The following OCA2 variants were observed in gnomAD, a reference collection of about 807,000 sequenced individuals.
OCA2 encodes the protein OCA2 melanosomal transmembrane protein.
A neutral mutation model predicts 100.2 loss-of-function variants in OCA2; 77 were observed. The observed-to-expected ratio is 0.77, with a 90% CI of 0.64 to 0.93. The LOEUF is 0.93. Among genes scored for constraint, OCA2 ranks in the 40% least tolerant of loss-of-function variants. The pLI is 0.00. For missense variants in OCA2, 1,062 were observed against 1,089.1 expected (o/e 0.98, Z 0.35); for synonymous variants, 432 against 439.2 (o/e 0.98, Z 0.21).
chr15:27,750,829 A>C (rs2150962641), downstream of OCA2, among the ~76,000 whole-genome samples: 1 of 152,354 alleles, frequency 6.6e-6, no homozygotes, highest in South Asian at 2.1e-4. Context: ...CAGAGCTCAA[A>C]GCAATGGCTT....
At chr15:27,907,927 G>T (rs2038238676) in intron 19 of OCA2, among the ~76,000 whole-genome samples, 1 of 152,072 alleles carries the variant, frequency 6.6e-6, no homozygotes, top group African/African-American at 2.4e-5. Flanking sequence ...ATTGTATCAA[G>T]CCCTCAAAAA....
chr15:28,024,672 C>T (rs2042695510), intron 5 of OCA2, among the ~76,000 whole-genome samples, 173 bp downstream of exon 5: 1 of 152,198 alleles, frequency 6.6e-6, no homozygotes, highest in Admixed American at 6.5e-5. Flanking sequence ...GGCCTCGACC[C>T]CCTCAGCCCG....
intron 19 of OCA2, among the ~76,000 whole-genome samples, chr15:27,910,002 C>A (rs180912561): frequency 2.2e-4 from 33 of 151,954 alleles, no homozygotes; most frequent in Non-Finnish European, 3.4e-4. Flanking sequence ...AATAAAGAAC[C>A]CTTGAACAGT....
chr15:27,835,427 C>G (rs1028691420), intron 23 of OCA2, among the ~76,000 whole-genome samples: 14 of 152,176 alleles, frequency 9.2e-5, no homozygotes, highest in Admixed American at 4.6e-4. Flanking sequence ...CTTTGGGCCC[C>G]CACAACCTGG....
the OCA2 span, among the ~76,000 whole-genome samples, chr15:27,742,184 G>T: frequency 1.3e-5 from 2 of 152,164 alleles, no homozygotes; most frequent in African/African-American, 4.8e-5. Flanking sequence ...GAGAACACAT[G>T]CCCTGCCTTC....
chr15:27,736,655 AAG>A, the OCA2 span, among the ~76,000 whole-genome samples: 12 of 152,368 alleles, frequency 7.9e-5, no homozygotes, highest in African/African-American at 2.9e-4. Flanking sequence ...GGTTGAAGCA[AAG>A]AAATAATGGC....
intron 23 of OCA2, among the ~76,000 whole-genome samples, chr15:27,791,815 G>T (rs191452579): frequency 2.6e-3 from 394 of 152,262 alleles, no homozygotes; most frequent in African/African-American, 9.2e-3. Flanking sequence ...ACACAGAAAA[G>T]AAAAAGTTAA....
chr15:27,878,441 C>CT (rs1029995575), intron 19 of OCA2, among the ~76,000 whole-genome samples: 12 of 152,198 alleles, frequency 7.9e-5, no homozygotes, highest in African/African-American at 2.6e-4. Flanking sequence ...GAATGTCTCT[C>CT]TTTTTTGCTT....
intron 4 of OCA2, among the ~76,000 whole-genome samples, chr15:28,026,573 G>A (rs557594687): frequency 1.3e-5 from 2 of 152,198 alleles, no homozygotes; most frequent in African/African-American, 4.8e-5. Flanking sequence ...GTCAAGCAGC[G>A]ATGTGGGGGA....
At position 27,790,862 on chromosome 15, in the gene OCA2, C is replaced by T. The variant is rs937151081; in HGVS notation, c.2433-35390G>A. 2.0e-5 allele frequency among the ~76,000 whole-genome samples: 3 copies of T among 150,318 alleles called. No homozygotes were observed. The South Asian group carries it at 6.3e-4, about 31-fold the overall frequency. ...GAAGTATAGTGGCACAATCATAGCT[C>T]ACTGCAGCCTCCAACTGTTGAACTC... On this transcript the variant is annotated intron_variant, in intron 23 of 23. Coordinates refer to ENST00000354638, the MANE Select transcript of OCA2 (RefSeq NM_000275.3).
At chr15:28,089,964 A>G (rs1416722856) in intron 1 of OCA2, among the ~76,000 whole-genome samples, 2 of 152,234 alleles carry the variant, frequency 1.3e-5, no homozygotes, top group Non-Finnish European at 2.9e-5. Flanking sequence ...AAATAAAATT[A>G]AATAACAATA....
chr15:27,772,578 C>T (rs1321894881), intron 23 of OCA2, among the ~76,000 whole-genome samples: 3 of 152,010 alleles, frequency 2.0e-5, no homozygotes, highest in Non-Finnish European at 4.4e-5. Flanking sequence ...CACGGTGGCT[C>T]ACGCCTGTAA....
Position 28,018,414 on chromosome 15 carries a change from A to C in OCA2, c.790T>G (p.Trp264Gly). ...LTQADALGSRWRRPQQVTHNW... is the reference protein window; with the variant it reads ...LTQADALGSRGRRPQQVTHNW... ...AGCATAACCTGCTGTGGCCGCCGCCACCTGGAGCCCAAAGCGTCAGCCTGG... is the reference window on the plus strand; with the variant it reads ...AGCATAACCTGCTGTGGCCGCCGCCCCCTGGAGCCCAAAGCGTCAGCCTGG... The change falls in exon 7 of 24, where the codon TGG (tryptophan) becomes GGG (glycine). Residue 264 changes from tryptophan (W) to glycine (G), a missense_variant. Coordinates refer to ENST00000354638, the MANE Select transcript of OCA2 (RefSeq NM_000275.3). 6.2e-7 allele frequency: 1 copy of C among 1,614,092 alleles called. No homozygotes were observed. The highest frequency in any genetic ancestry group is 8.5e-7 in the Non-Finnish European group (1 of 1,180,026).
the OCA2 span, among the ~76,000 whole-genome samples, chr15:27,733,597 G>A: frequency 1.3e-5 from 2 of 152,192 alleles, no homozygotes; most frequent in Non-Finnish European, 2.9e-5. Flanking sequence ...GGGTTAGTGT[G>A]TGATTCTCTG....
chr15:28,065,693 T>A (rs911687543), intron 2 of OCA2, among the ~76,000 whole-genome samples: 14 of 152,152 alleles, frequency 9.2e-5, no homozygotes, highest in African/African-American at 3.4e-4. Flanking sequence ...GGGATTATTT[T>A]GTATCTAAAG....
chr15:28,033,934 C>T (rs374525888), intron 2 of OCA2, among the ~76,000 whole-genome samples: 19 of 152,148 alleles, frequency 1.2e-4, no homozygotes, highest in African/African-American at 1.2e-4. Flanking sequence ...CTGAGTGTTA[C>T]GGAGACGGTG....
chr15:27,728,529 TCC>T, the OCA2 span, among the ~76,000 whole-genome samples: 7 of 152,194 alleles, frequency 4.6e-5, no homozygotes, highest in Non-Finnish European at 7.3e-5. Flanking sequence ...CTGGCACTGT[TCC>T]TGCTGATATG....
intron 23 of OCA2, among the ~76,000 whole-genome samples, chr15:27,786,124 T>C (rs2032803964): frequency 1.3e-5 from 2 of 152,222 alleles, no homozygotes; most frequent in Non-Finnish European, 2.9e-5. Flanking sequence ...TAAATGACTA[T>C]CCTTTTCCAA....
chr15:27,844,808 G>T, intron 23 of OCA2, 151 bp downstream of exon 23: 1 of 686,592 alleles, frequency 1.5e-6, no homozygotes, highest in Non-Finnish European at 2.6e-6. Flanking sequence ...AATTTTTAAT[G>T]TGTTTTTTTC....
Sources: gnomAD v4.1 joint callset for allele counts (sites outside exome capture counted in the v4.1 genomes callset) on GRCh38, gnomAD v4.1.1 for gene constraint, MANE v1.5 for transcripts, NCBI Gene and HGNC (gene_info 2026-07-23, HGNC 2026-07-21) for gene names.